The following MYO1E variants were observed in gnomAD, a reference collection of about 807,000 sequenced individuals.
MYO1E encodes the protein myosin IE, also known as unconventional myosin-Ie.
MYO1E carries 68 observed loss-of-function variants against 151.1 expected under a neutral mutation model. The ratio of observed to expected loss-of-function variants is 0.45; its 90% confidence interval spans 0.37 to 0.55. The LOEUF (loss-of-function observed/expected upper bound fraction) is 0.55. Ranked by LOEUF, MYO1E falls within the 20% of genes least tolerant of loss-of-function variation. The pLI, the probability that MYO1E is intolerant of heterozygous loss-of-function variation, is 0.00. For missense variants in MYO1E, 1,363 were observed against 1,389.3 expected, an observed-to-expected ratio of 0.98 and a Z score of 0.30; for synonymous variants, 601 against 501.7, an observed-to-expected ratio of 1.20 and a Z score of -2.64.
chr15:59,218,294 T>A (rs1360062762), intron 9 of MYO1E: 1 of 690,672 alleles, frequency 1.4e-6, no homozygotes, highest in African/African-American at 1.8e-5. Context: ...CCAATTGTTT[T>A]ATGACATGAG....
Position 59,372,740 on chromosome 15 carries a change from G to C in MYO1E, c.-240C>G. The C allele has an allele frequency of 1.8e-6, 1 of 566,300 alleles. No individual in the cohort carries two copies. Among genetic ancestry groups the C allele is most frequent in the Non-Finnish European group, 3.1e-6 (1 of 322,508 alleles). The allele number at this position is 566,300 out of a possible 1,614,324, so 35.1% of individuals were successfully genotyped here. On this transcript the variant is annotated 5_prime_UTR_variant, in exon 1 of 28. Transcript: ENST00000288235. ...GCAGGCGGGGCGCATGCTGCGGAGGGCAAGAGTCCACTCGTACTCGCCGGT... is the reference window on the plus strand; with the variant it reads ...GCAGGCGGGGCGCATGCTGCGGAGGCCAAGAGTCCACTCGTACTCGCCGGT...
At chr15:59,213,902 A>G (rs949323055) in intron 12 of MYO1E, among the ~76,000 whole-genome samples, 10 of 152,220 alleles carry the variant, frequency 6.6e-5, no homozygotes, top group Admixed American at 5.9e-4. Context: ...TTTATTTGGA[A>G]CACAATATTT....
chr15:59,366,459 T>G (rs962333934), intron 1 of MYO1E, among the ~76,000 whole-genome samples: 2 of 152,110 alleles, frequency 1.3e-5, no homozygotes, highest in Non-Finnish European at 2.9e-5. Flanking sequence ...GGCTAATTTT[T>G]AAAATTTTTT....
chr15:59,162,063 G>T (rs2079540828), intron 23 of MYO1E, among the ~76,000 whole-genome samples: 2 of 152,126 alleles, frequency 1.3e-5, no homozygotes, highest in Non-Finnish European at 2.9e-5. Flanking sequence ...TTTAGACAGG[G>T]TCTTGCTCTG....
chr15:59,219,396 T>C (rs2079939959), intron 9 of MYO1E, among the ~76,000 whole-genome samples: 1 of 152,328 alleles, frequency 6.6e-6, no homozygotes, highest in East Asian at 1.9e-4. Flanking sequence ...ACCAAAATTA[T>C]CTGATAAAAG....
chr15:59,146,477 G>A lies in MYO1E; in HGVS notation c.3080+7113C>T, dbSNP rs141354001. Among the ~76,000 whole-genome samples, 879 of 151,850 alleles carry A rather than the reference G, an allele frequency of 5.8e-3. 2 individuals are homozygous for A. The highest frequency in any genetic ancestry group is 9.8e-3 in the Non-Finnish European group (668 of 67,948). ...ATTATAGGCACCTGCCACCACGCCC[G>A]ACTAATTTTTGTATTTTTAGTAGAG... On this transcript the variant is annotated intron_variant, in intron 26 of 27. Transcript: ENST00000288235.
chr15:59,240,858 C>T (rs1327503196), intron 4 of MYO1E, among the ~76,000 whole-genome samples: 4 of 152,226 alleles, frequency 2.6e-5, no homozygotes, highest in Non-Finnish European at 5.9e-5. Context: ...TCATGCAACA[C>T]ACACTGTCTA....
At chr15:59,252,070 A>T (rs2080168202) in intron 4 of MYO1E, among the ~76,000 whole-genome samples, 1 of 152,262 alleles carries the variant, frequency 6.6e-6, no homozygotes, top group Admixed American at 6.5e-5. Flanking sequence ...TGTTCAGCAT[A>T]AGATAAATGG....
intron 13 of MYO1E, 81 bp downstream of exon 13, chr15:59,210,433 C>G: frequency 9.6e-7 from 1 of 1,044,668 alleles, no homozygotes; most frequent in Non-Finnish European, 1.5e-6. Flanking sequence ...TTTGCCTGTT[C>G]TAAAACAATG....
intron 16 of MYO1E, among the ~76,000 whole-genome samples, chr15:59,196,877 G>A (rs1566976032): frequency 6.6e-6 from 1 of 151,832 alleles, no homozygotes; most frequent in Non-Finnish European, 1.5e-5. Context: ...TGGAGCCGGA[G>A]AGGGACTGCA....
chr15:59,145,236 T>C (rs563290146), intron 26 of MYO1E, among the ~76,000 whole-genome samples: 114 of 152,292 alleles, frequency 7.5e-4, no homozygotes, highest in African/African-American at 2.5e-3. Context: ...AATTGGCTAG[T>C]CCAGGAGGAA....
intron 6 of MYO1E, among the ~76,000 whole-genome samples, 160 bp downstream of exon 6, chr15:59,231,542 G>C (rs1410919875): frequency 2.0e-5 from 3 of 152,188 alleles, no homozygotes; most frequent in African/African-American, 7.2e-5. Flanking sequence ...GCAAACTGCA[G>C]CTTGGCGGCA....
At chr15:59,235,358 T>C (rs1319318231) in intron 5 of MYO1E, among the ~76,000 whole-genome samples, 1 of 152,210 alleles carries the variant, frequency 6.6e-6, no homozygotes, top group African/African-American at 2.4e-5. Flanking sequence ...CTTCGAGGGA[T>C]ATGTGATAAC....
intron 9 of MYO1E, among the ~76,000 whole-genome samples, chr15:59,219,826 T>C (rs989117732): frequency 9.3e-5 from 14 of 149,768 alleles, no homozygotes; most frequent in African/African-American, 3.6e-4. Flanking sequence ...ACTCTTTTTG[T>C]AGAATCTGCA....
At chr15:59,250,453 C>A (rs890635257) in intron 4 of MYO1E, among the ~76,000 whole-genome samples, 4 of 152,112 alleles carry the variant, frequency 2.6e-5, no homozygotes, top group Admixed American at 1.3e-4. Context: ...GTCCATGACT[C>A]CACAGGGAGA....
At chr15:59,263,783 A>G (rs2080237565) in intron 2 of MYO1E, among the ~76,000 whole-genome samples, 1 of 152,186 alleles carries the variant, frequency 6.6e-6, no homozygotes, top group African/African-American at 2.4e-5. Flanking sequence ...CTGATGAGAC[A>G]GTGATTGAGC....
intron 8 of MYO1E, 99 bp from the exon 9 acceptor site, chr15:59,223,290 G>A: frequency 4.3e-6 from 6 of 1,397,128 alleles, no homozygotes; most frequent in Admixed American, 1.7e-5. Flanking sequence ...AAATAAGGAT[G>A]TGACAAGTAC....
At chr15:59,147,362 G>A (rs975921083) in intron 26 of MYO1E, among the ~76,000 whole-genome samples, 10 of 152,154 alleles carry the variant, frequency 6.6e-5, no homozygotes, top group Non-Finnish European at 1.0e-4. Flanking sequence ...CAGTTTGGGA[G>A]GCTGAGGTGG....
At position 59,372,753 on chromosome 15, in the gene MYO1E, C is replaced by T. The variant is rs1251157106; in HGVS notation, c.-253G>A. The T allele has an allele frequency of 5.4e-6, 3 of 552,448 alleles. No homozygotes were observed. Among genetic ancestry groups the T allele is most frequent in the Non-Finnish European group, 9.5e-6 (3 of 314,184 alleles). 34.2% of individuals were successfully genotyped at this position (552,448 alleles called of 1,614,324 possible). On this transcript the variant is annotated 5_prime_UTR_variant, in exon 1 of 28. Transcript: ENST00000288235. ...ATGCTGCGGAGGGCAAGAGTCCACTCGTACTCGCCGGTCGCCGCCGGCCCA... is the reference window on the plus strand; with the variant it reads ...ATGCTGCGGAGGGCAAGAGTCCACTTGTACTCGCCGGTCGCCGCCGGCCCA...
Sources: gnomAD v4.1 joint callset for allele counts (sites outside exome capture counted in the v4.1 genomes callset) on GRCh38, gnomAD v4.1.1 for gene constraint, MANE v1.5 for transcripts, NCBI Gene and HGNC (gene_info 2026-07-23, HGNC 2026-07-21) for gene names.